VPS13A: variants seen among roughly 807,000 people sequenced by gnomAD.
VPS13A encodes vacuolar protein sorting 13 homolog A.
VPS13A carries 264 observed loss-of-function variants against 390.9 expected under a neutral mutation model. The ratio of observed to expected loss-of-function variants is 0.68; its 90% CI spans 0.61 to 0.75. VPS13A has a LOEUF of 0.75. Ranked by LOEUF, VPS13A falls within the 30% of genes least tolerant of loss-of-function variation. The pLI is 0.00. For missense variants in VPS13A, 3,409 were observed against 3,733.9 expected (o/e 0.91, Z 2.27); for synonymous variants, 1,231 against 1,227.1 (o/e 1.00, Z -0.07).
Position 77,416,105 on chromosome 9 carries a change from A to C in VPS13A, c.*99A>C. Reference sequence around the variant, plus strand: ...GAAGCATATTACAGAAATGATTTCAAGTACCCTGTATTCTGGATGCTAAAA... The same window carrying C: ...GAAGCATATTACAGAAATGATTTCACGTACCCTGTATTCTGGATGCTAAAA... On this transcript the variant is annotated 3_prime_UTR_variant, in exon 72 of 72. Transcript: ENST00000360280. 7.1e-7 allele frequency: 1 copy of C among 1,399,872 alleles called. No homozygotes were observed. Among genetic ancestry groups the C allele is most frequent in the Non-Finnish European group, 1.0e-6 (1 of 990,786 alleles). 86.7% of individuals were successfully genotyped at this position (1,399,872 alleles called of 1,614,324 possible). A position where few individuals can be genotyped will look rare whatever the true frequency, so the allele number is the denominator to read the frequency against.
chr9:77,387,471 T>C (rs766573560), intron 68 of VPS13A, among the ~76,000 whole-genome samples: 15 of 152,216 alleles, frequency 9.9e-5, no homozygotes, highest in Non-Finnish European at 2.2e-4. Flanking sequence ...TTCACTTCCC[T>C]GAAGGAGTGA....
intron 1 of VPS13A, among the ~76,000 whole-genome samples, chr9:77,187,634 CAAT>C (rs1424710202): frequency 1.2e-4 from 17 of 144,254 alleles, no homozygotes; most frequent in African/African-American, 2.3e-4. Context: ...CACACACACA[CAAT>C]GTTAGCTGCT....
intron 68 of VPS13A, among the ~76,000 whole-genome samples, chr9:77,392,524 G>T: frequency 6.6e-6 from 1 of 151,950 alleles, no homozygotes; most frequent in Non-Finnish European, 1.5e-5. Flanking sequence ...TGGTGTTGTT[G>T]CTAGGGTTAG....
intron 45 of VPS13A, among the ~76,000 whole-genome samples, chr9:77,331,198 A>G (rs191845973): frequency 3.3e-5 from 5 of 152,110 alleles, no homozygotes; most frequent in Non-Finnish European, 4.4e-5. Flanking sequence ...GTGAACCTGA[A>G]TGAATACACA....
In VPS13A at chr9:77,418,476, A is replaced by T. The variant is rs542684871; in HGVS notation, c.*2470A>T. 2 of 152,212 alleles carry T rather than the reference A, an allele frequency of 1.3e-5. No homozygotes were observed. The highest frequency in any genetic ancestry group is 2.9e-5 in the Non-Finnish European group (2 of 68,036). The allele number at this position is 152,212 out of a possible 1,614,324, so 9.4% of individuals were successfully genotyped here. ...ATCAAAAGCAGCTTGTGATTTCTTCACATTTGCAAAATACTCTCTGAGCCA... is the reference window on the plus strand; with the variant it reads ...ATCAAAAGCAGCTTGTGATTTCTTCTCATTTGCAAAATACTCTCTGAGCCA... On this transcript the variant is annotated 3_prime_UTR_variant, in exon 72 of 72. Transcript: ENST00000360280.
intron 1 of VPS13A, among the ~76,000 whole-genome samples, chr9:77,178,404 G>C (rs1188904525): frequency 6.6e-6 from 1 of 152,208 alleles, no homozygotes; most frequent in Non-Finnish European, 1.5e-5. Flanking sequence ...CTCTCGCCTG[G>C]GTTCGGCGGA....
Position 77,237,984 on chromosome 9 carries a change from CTTTTT to C in VPS13A, c.1596-12_1596-8del. 1 of 1,239,044 alleles carries C rather than the reference CTTTTT, an allele frequency of 8.1e-7. No homozygotes were observed. The highest frequency in any genetic ancestry group is 1.1e-6 in the Non-Finnish European group (1 of 901,736). 76.8% of individuals were successfully genotyped at this position (1,239,044 alleles called of 1,614,324 possible). On this transcript the variant is annotated splice_polypyrimidine_tract_variant and intron_variant, in intron 17 of 71. Transcript: ENST00000360280. ...AATTTTACTGATCGCTGACTTTTTT[CTTTTT>C]TTTTTAATGCAGATTTGAAACTAAA...
chr9:77,299,726 A>T (rs555402531), intron 33 of VPS13A, among the ~76,000 whole-genome samples: 2 of 152,220 alleles, frequency 1.3e-5, no homozygotes, highest in African/African-American at 4.8e-5. Flanking sequence ...CATATACACC[A>T]TGGAATGCTA....
chr9:77,365,939 G>A (rs1832403170), intron 60 of VPS13A, among the ~76,000 whole-genome samples: 1 of 152,002 alleles, frequency 6.6e-6, no homozygotes, highest in South Asian at 2.1e-4. Flanking sequence ...TTAGTTTTTA[G>A]TGCAAAATTC....
At chr9:77,314,209 T>C in intron 36 of VPS13A, 90 bp downstream of exon 36, 1 of 1,424,274 alleles carries the variant, frequency 7.0e-7, no homozygotes, top group South Asian at 1.2e-5. Context: ...ATATTTAACA[T>C]TTATTTTGTA....
intron 33 of VPS13A, among the ~76,000 whole-genome samples, chr9:77,301,273 A>G (rs773590657): frequency 3.7e-4 from 57 of 152,216 alleles, no homozygotes; most frequent in Non-Finnish European, 5.9e-4. Flanking sequence ...TAGAAGGTTA[A>G]TTAAAATACT....
intron 45 of VPS13A, among the ~76,000 whole-genome samples, chr9:77,329,321 T>G (rs935775027): frequency 3.3e-5 from 5 of 152,258 alleles, no homozygotes; most frequent in African/African-American, 1.2e-4. Context: ...CTTGGCTGTT[T>G]GATGCAAGAG....
chr9:77,337,373 C>T lies in VPS13A; in HGVS notation c.6214C>T (p.Pro2072Ser), dbSNP rs2131498649. ...LLKKKCRSKN[P>S]SKESFLINIV... Reference sequence around the variant, plus strand: ...AAAGAAGAAATGTAGATCTAAAAACCCTTCTAAGGAATCATTTCTCATTAA... The same window carrying T: ...AAAGAAGAAATGTAGATCTAAAAACTCTTCTAAGGAATCATTTCTCATTAA... The change falls in exon 47 of 72, where the codon CCT becomes TCT. Residue 2072 changes from proline to serine, a missense_variant. Pro to Ser is a moderately conservative substitution (Grantham distance 74). This residue lies in a region of VPS13A where 2,717 missense variants were observed against 2,917.4 expected (regional missense o/e 0.93). Transcript: ENST00000360280. 6.2e-7 allele frequency: 1 copy of T among 1,612,272 alleles called. No homozygotes were observed. The highest frequency in any genetic ancestry group is 8.5e-7 in the Non-Finnish European group (1 of 1,178,892).
chr9:77,358,376 G>C lies in VPS13A; in HGVS notation c.7973G>C (p.Gly2658Ala). Residue 2658 changes from glycine (G) to alanine (A), a missense_variant, in exon 57 of 72, where the codon GGT becomes GCT. Gly to Ala is a moderately conservative substitution (Grantham distance 60). Around this residue, in one of 5 missense-constraint regions of VPS13A, gnomAD observed 221 missense variants for 300.7 expected, o/e 0.73. Transcript: ENST00000360280. ...TCTTAGATCCAAAATCAGATACATGGTGCTGTATTTCCCTTTGTGTTTTAT... is the reference window on the plus strand; with the variant it reads ...TCTTAGATCCAAAATCAGATACATGCTGCTGTATTTCCCTTTGTGTTTTAT... The part of the protein sequence containing the change: ...YRIQIQNQIH[G>A]AVFPFVFYPV... 1.2e-6 allele frequency: 2 copies of C among 1,613,430 alleles called. No homozygotes were observed. The highest frequency in any genetic ancestry group is 1.7e-6 in the Non-Finnish European group (2 of 1,179,744).
chr9:77,346,115 A>T (rs1831138701), intron 52 of VPS13A, among the ~76,000 whole-genome samples: 1 of 152,104 alleles, frequency 6.6e-6, no homozygotes, highest in Non-Finnish European at 1.5e-5. Flanking sequence ...TAGTGTTTGT[A>T]CTAGTTTACA....
intron 22 of VPS13A, among the ~76,000 whole-genome samples, chr9:77,258,922 C>G (rs1243621323): frequency 6.6e-6 from 1 of 152,018 alleles, no homozygotes; most frequent in South Asian, 2.1e-4. Flanking sequence ...AAGAAAAGGG[C>G]AGCTTTTATC....
At chr9:77,262,434 G>T (rs1329716787) in intron 23 of VPS13A, among the ~76,000 whole-genome samples, 1 of 151,152 alleles carries the variant, frequency 6.6e-6, no homozygotes, top group East Asian at 1.9e-4. Flanking sequence ...TGTAAAGAAG[G>T]TTTTTTTTTA....
At chr9:77,184,538 G>A (rs908378601) in intron 1 of VPS13A, among the ~76,000 whole-genome samples, 3 of 152,182 alleles carry the variant, frequency 2.0e-5, no homozygotes, top group African/African-American at 7.2e-5. Context: ...AGAATCGCTT[G>A]AACATGGGAG....
chr9:77,391,728 G>T (rs895852569), intron 68 of VPS13A, among the ~76,000 whole-genome samples: 2 of 152,130 alleles, frequency 1.3e-5, no homozygotes, highest in Admixed American at 6.5e-5. Flanking sequence ...ATGGGAGATT[G>T]AACATTTCAT....
Sources: allele counts gnomAD v4.1 joint callset (sites outside exome capture counted in the v4.1 genomes callset), GRCh38; gene constraint gnomAD v4.1.1; regional missense constraint gnomAD v4.1.1; transcripts MANE v1.5; gene names NCBI Gene and HGNC (gene_info 2026-07-23, HGNC 2026-07-21).